LRRK2: variants seen among roughly 807,000 people sequenced by gnomAD.
LRRK2 encodes leucine-rich repeat serine/threonine-protein kinase 2.
Under a neutral mutation model 302.6 loss-of-function variants are expected in LRRK2, and 203 were observed. The observed-to-expected ratio is 0.67, with a 90% confidence interval of 0.60 to 0.75. The LOEUF (loss-of-function observed/expected upper bound fraction) is 0.75. Among genes scored for constraint, LRRK2 ranks in the 30% least tolerant of loss-of-function variants. LRRK2 has a pLI of 0.00. For synonymous variants in LRRK2, 1,066 were observed against 1,031.9 expected (o/e 1.03, Z -0.63); for missense variants, 2,830 against 2,951.0 (o/e 0.96, Z 0.95).
At chr12:40,347,173 A>T (rs1946213026) in intron 42 of LRRK2, among the ~76,000 whole-genome samples, 1 of 152,324 alleles carries the variant, frequency 6.6e-6, no homozygotes, top group South Asian at 2.1e-4. Context: ...TAGAGAAGGA[A>T]ATTGCTGTTA....
chr12:40,278,190 A>G lies in LRRK2; in HGVS notation c.2170A>G (p.Met724Val), dbSNP rs1943541458. 6.2e-7 allele frequency: 1 copy of G among 1,614,108 alleles called. No individual in the cohort carries two copies. ...ERACDQNNSI[M>V]VECLLLLGAD... ...AGCGTGTGATCAGAATAACAGCATC[A>G]TGGTTGAATGCTTGCTTCTATTGGG... Residue 724 changes from methionine to valine, a missense_variant, in exon 18 of 51, where the codon ATG becomes GTG. Met to Val is a conservative substitution (Grantham distance 21). Around this residue, in one of 3 missense-constraint regions of LRRK2, gnomAD observed 2,121 missense variants for 2,148.0 expected, o/e 0.99. Coordinates refer to ENST00000298910, the MANE Select transcript of LRRK2 (RefSeq NM_198578.4).
At chr12:40,308,069 C>T (rs958757373) in intron 28 of LRRK2, among the ~76,000 whole-genome samples, 10 of 151,848 alleles carry the variant, frequency 6.6e-5, no homozygotes, top group African/African-American at 2.2e-4. Flanking sequence ...TGCGAGCCAC[C>T]GCACCTGGCG....
chr12:40,359,110 T>A (rs1946627738), intron 46 of LRRK2, 150 bp from the exon 47 acceptor site: 1 of 691,336 alleles, frequency 1.4e-6, no homozygotes, highest in African/African-American at 1.8e-5. Flanking sequence ...AAGAGTTTTT[T>A]TTAATGGAAT....
At chr12:40,318,141 C>A (rs751944991) in intron 33 of LRRK2, among the ~76,000 whole-genome samples, 22 of 151,986 alleles carry the variant, frequency 1.4e-4, no homozygotes, top group Non-Finnish European at 1.8e-4. Context: ...TTTCTGTCCT[C>A]TTAAAGGCTA....
intron 40 of LRRK2, among the ~76,000 whole-genome samples, chr12:40,335,653 C>T (rs887234193): frequency 6.6e-6 from 1 of 152,196 alleles, no homozygotes; most frequent in African/African-American, 2.4e-5. Flanking sequence ...TCTTTGAAGA[C>T]AAAAGGCCTG....
intron 41 of LRRK2, among the ~76,000 whole-genome samples, chr12:40,342,032 A>T (rs1703478340): frequency 6.6e-6 from 1 of 152,262 alleles, no homozygotes; most frequent in Admixed American, 6.5e-5. Flanking sequence ...GTCATGGGAC[A>T]TGAAGGTGGA....
intron 16 of LRRK2, among the ~76,000 whole-genome samples, chr12:40,277,298 G>A (rs755056341): frequency 2.0e-5 from 3 of 152,126 alleles, no homozygotes; most frequent in Non-Finnish European, 4.4e-5. Context: ...TTCTAAAAAA[G>A]TAACGGTGTT....
rs184757047 is a variant in LRRK2 at position 40,258,757 on chromosome 12, G to A, written c.1419-723G>A. ...CCAAGGAGGGGAGGCTCCAATGGAGGGATGTGTTTAAACTGGGACTTTAAG... is the reference window on the plus strand; with the variant it reads ...CCAAGGAGGGGAGGCTCCAATGGAGAGATGTGTTTAAACTGGGACTTTAAG... On this transcript the variant is annotated intron_variant, in intron 12 of 50. Transcript: ENST00000298910. Among the ~76,000 whole-genome samples, 561 of 152,314 alleles carry A rather than the reference G, an allele frequency of 3.7e-3. 2 individuals are homozygous for A. The highest frequency in any genetic ancestry group is 6.2e-3 in the Non-Finnish European group (419 of 68,020).
At chr12:40,243,752 G>A (rs2136444500) in intron 7 of LRRK2, 71 bp downstream of exon 7, 1 of 1,335,932 alleles carries the variant, frequency 7.5e-7, no homozygotes, top group Non-Finnish European at 1.1e-6. Flanking sequence ...TATATATGTT[G>A]CATAATAATG....
chr12:40,229,955 C>CTTTTTTTTTT lies in LRRK2; in HGVS notation c.238-2300_238-2291dup, dbSNP rs71078229. ...GAGATGAGTTTGGCATCCTATGTGACTTTTTTTTTTTTTTTTTTTTTTTTT... is the reference window on the plus strand; with the variant it reads ...GAGATGAGTTTGGCATCCTATGTGACTTTTTTTTTTTTTTTTTTTTTTTTTTTTTTTTTTT... On this transcript the variant is annotated intron_variant, in intron 2 of 50. Coordinates refer to ENST00000298910, the MANE Select transcript of LRRK2 (RefSeq NM_198578.4). 8.6e-5 allele frequency among the ~76,000 whole-genome samples: 8 copies of CTTTTTTTTTT among 92,926 alleles called. 4 individuals are homozygous for CTTTTTTTTTT. The highest frequency in any genetic ancestry group is 8.4e-5 in the Non-Finnish European group (4 of 47,742). The allele number at this position is 92,926 out of a possible 152,430, so 61.0% of individuals were successfully genotyped here.
intron 5 of LRRK2, among the ~76,000 whole-genome samples, chr12:40,238,820 C>T (rs983741316): frequency 2.6e-5 from 4 of 152,160 alleles, no homozygotes; most frequent in African/African-American, 9.7e-5. Flanking sequence ...TTGCAGTTCC[C>T]AGAATGGGAT....
rs1224518600 is a variant in LRRK2, at chr12:40,294,823, A to G, written c.2809-22A>G. 2.3e-6 allele frequency: 3 copies of G among 1,305,116 alleles called. No homozygotes were observed. The Middle Eastern group carries it at 6.6e-4, about 288-fold the overall frequency. 80.8% of individuals were successfully genotyped at this position (1,305,116 alleles called of 1,614,324 possible). A position where few individuals can be genotyped will look rare whatever the true frequency, so the allele number is the denominator to read the frequency against. ...TTCTCCAATAAATGACAGCAATTTT[A>G]TTATAAATTATTTTTTAATAGGGGC... is the stretch of plus-strand genomic sequence containing the variant. On this transcript the variant is annotated intron_variant, in intron 21 of 50. Transcript: ENST00000298910.
chr12:40,367,753 A>C lies in LRRK2; in HGVS notation c.7572A>C (p.Thr2524=). 1.2e-6 allele frequency: 2 copies of C among 1,605,508 alleles called. No individual in the cohort carries two copies. Among genetic ancestry groups the C allele is most frequent in the Non-Finnish European group, 1.7e-6 (2 of 1,175,046 alleles). Residue 2524 remains threonine, a synonymous_variant, in exon 51 of 51, where the codon ACA becomes ACC. Transcript: ENST00000298910. The stretch of plus-strand genomic sequence containing the variant: ...AATTAGCTGAAAAAATGAGACGAAC[A>C]TCTGTTGAGTAAGAGAGAAATAGGA... ...RKELAEKMRR[T]SVE is the part of the protein sequence containing the mutation.
chr12:40,348,206 A>C (rs1388875732), intron 42 of LRRK2, among the ~76,000 whole-genome samples: 1 of 152,192 alleles, frequency 6.6e-6, no homozygotes, highest in Non-Finnish European at 1.5e-5. Flanking sequence ...TATTCCATAA[A>C]AAAAAAATCT....
intron 6 of LRRK2, 32 bp downstream of exon 6, chr12:40,240,649 G>T: frequency 6.3e-7 from 1 of 1,598,882 alleles, no homozygotes; most frequent in Non-Finnish European, 8.6e-7. Flanking sequence ...TTTATTTTTT[G>T]TATCTGAAAA....
In LRRK2 at chr12:40,234,369, C is replaced by CTT. The variant is rs35906443; in HGVS notation, c.348-1229_348-1228dup. 5.9e-3 allele frequency among the ~76,000 whole-genome samples: 254 copies of CTT among 43,074 alleles called. 42 individuals are homozygous for CTT. Among genetic ancestry groups the CTT allele is most frequent in the African/African-American group, 0.022 (230 of 10,536 alleles). 28.3% of individuals were successfully genotyped at this position (43,074 alleles called of 152,430 possible). On this transcript the variant is annotated intron_variant, in intron 3 of 50. Transcript: ENST00000298910. ...AAACATTATTGATATGCTAAATTCACTTTTTTTTTTTTTTTTTTTTTTTTT... is the reference window on the plus strand; with the variant it reads ...AAACATTATTGATATGCTAAATTCACTTTTTTTTTTTTTTTTTTTTTTTTTTT...
At chr12:40,298,732 A>T (rs1286423536) in intron 24 of LRRK2, among the ~76,000 whole-genome samples, 1 of 137,678 alleles carries the variant, frequency 7.3e-6, no homozygotes, top group Non-Finnish European at 1.6e-5. Context: ...AGATCGTGCC[A>T]TTGCACTCCA....
In LRRK2 at chr12:40,260,571, C is replaced by T. The variant is rs17484176; in HGVS notation, c.1543+967C>T. On this transcript the variant is annotated intron_variant, in intron 13 of 50. Coordinates refer to ENST00000298910, the MANE Select transcript of LRRK2 (RefSeq NM_198578.4). ...AAAGAAAAGGGCCTTGAATGCAGTG[C>T]TAAAAATTTTTTGCCTTTTAAAAAT... 3.3e-5 allele frequency among the ~76,000 whole-genome samples: 5 copies of T among 151,996 alleles called. No homozygotes were observed. The East Asian group carries it at 9.7e-4, about 30-fold the overall frequency.
intron 7 of LRRK2, among the ~76,000 whole-genome samples, chr12:40,247,946 AG>A (rs1007293163): frequency 6.6e-5 from 10 of 151,864 alleles, no homozygotes; most frequent in African/African-American, 2.2e-4. Flanking sequence ...GTAAGCAGTA[AG>A]GGATGAAATC....
Sources: gnomAD v4.1 joint callset for allele counts (sites outside exome capture counted in the v4.1 genomes callset) on GRCh38, gnomAD v4.1.1 for gene constraint, gnomAD v4.1.1 regional missense constraint, MANE v1.5 for transcripts, NCBI Gene and HGNC (gene_info 2026-07-23, HGNC 2026-07-21) for gene names.